The following GRIK3 variants were observed in gnomAD, a reference collection of about 807,000 sequenced individuals.
GRIK3 encodes glutamate receptor ionotropic, kainate 3.
Under a neutral mutation model 102.5 loss-of-function variants are expected in GRIK3, and 29 were observed. That is an observed-to-expected ratio of 0.28 (90% CI 0.21 to 0.39). The LOEUF is 0.39. Ranked by LOEUF, GRIK3 falls within the 10% of genes least tolerant of loss-of-function variation. The pLI, the probability that GRIK3 is intolerant of heterozygous loss-of-function variation, is 1.00. For missense variants in GRIK3, 908 were observed against 1,252.4 expected (o/e 0.73, Z 4.15); for synonymous variants, 511 against 504.9 (o/e 1.01, Z -0.16).
At chr1:37,017,279 A>G (rs1463127971) in intron 1 of GRIK3, among the ~76,000 whole-genome samples, 1 of 147,160 alleles carries the variant, frequency 6.8e-6, no homozygotes, top group Non-Finnish European at 1.5e-5. Flanking sequence ...CACACCTGTA[A>G]TTCCAGCACT....
intron 1 of GRIK3, among the ~76,000 whole-genome samples, chr1:37,010,843 G>T (rs1311473179): frequency 6.7e-6 from 1 of 148,264 alleles, no homozygotes; most frequent in African/African-American, 2.5e-5. Context: ...CCGGGTTCAC[G>T]CCATTCTCCT....
intron 1 of GRIK3, among the ~76,000 whole-genome samples, chr1:37,012,168 G>C (rs1170220942): frequency 1.3e-5 from 2 of 152,192 alleles, no homozygotes; most frequent in Non-Finnish European, 1.5e-5. Context: ...GAGTGCCAGG[G>C]GGCCATTGCC....
intron 13 of GRIK3, among the ~76,000 whole-genome samples, chr1:36,810,663 T>C (rs904177039): frequency 2.0e-5 from 3 of 152,248 alleles, no homozygotes; most frequent in African/African-American, 7.2e-5. Context: ...ATACAAGACC[T>C]TGGTTGTTTT....
At position 36,974,011 on chromosome 1, in the gene GRIK3, T is replaced by A. The variant is rs1218425313; in HGVS notation, c.115+59983A>T. On this transcript the variant is annotated intron_variant, in intron 1 of 15. Transcript: ENST00000373091. Reference sequence around the variant, plus strand: ...CCAGCTTCTCTGTCCTCCAGTGAGATGACTCTGTGGTGTGTTTTGCTCGGT... The same window carrying A: ...CCAGCTTCTCTGTCCTCCAGTGAGAAGACTCTGTGGTGTGTTTTGCTCGGT... Among the ~76,000 whole-genome samples the A allele has an allele frequency of 2.6e-5, 4 of 152,300 alleles. No individual in the cohort carries two copies. In the East Asian group the frequency reaches 7.7e-4, roughly 29 times the overall value.
intron 1 of GRIK3, among the ~76,000 whole-genome samples, chr1:36,968,220 CGTGTGTGTGTGT>C (rs66480824): frequency 0.095 from 13,450 of 141,106 alleles, 1,862 homozygotes; most frequent in African/African-American, 0.31. Flanking sequence ...TCTCTCTCTC[CGTGTGTGTGTGT>C]GTGTGTGTGT....
intron 1 of GRIK3, among the ~76,000 whole-genome samples, chr1:36,961,184 C>T (rs1312370866): frequency 6.6e-6 from 1 of 152,236 alleles, no homozygotes; most frequent in African/African-American, 2.4e-5. Context: ...CACGTGCCCA[C>T]CTGTGCACAC....
At chr1:36,988,660 GAAT>G (rs1268867677) in intron 1 of GRIK3, among the ~76,000 whole-genome samples, 2 of 152,342 alleles carry the variant, frequency 1.3e-5, no homozygotes, top group East Asian at 3.9e-4. Context: ...TTCACACATA[GAAT>G]AATGAGGCAA....
intron 1 of GRIK3, among the ~76,000 whole-genome samples, chr1:36,913,189 A>G (rs956743864): frequency 6.6e-6 from 1 of 152,174 alleles, no homozygotes; most frequent in Non-Finnish European, 1.5e-5. Context: ...CACCATCCCA[A>G]CTGGGCTCAT....
At chr1:36,966,899 C>T (rs1642085102) in intron 1 of GRIK3, among the ~76,000 whole-genome samples, 1 of 151,960 alleles carries the variant, frequency 6.6e-6, no homozygotes, top group African/African-American at 2.4e-5. Flanking sequence ...ATAATAAGAC[C>T]CACTATTTGC....
chr1:36,873,597 T>C (rs1001808831), intron 3 of GRIK3, among the ~76,000 whole-genome samples: 4 of 152,048 alleles, frequency 2.6e-5, no homozygotes, highest in African/African-American at 7.2e-5. Context: ...CAGGACTCAG[T>C]GTCTGGTCCT....
intron 1 of GRIK3, among the ~76,000 whole-genome samples, chr1:37,015,982 T>G (rs1642649319): frequency 6.6e-6 from 1 of 152,224 alleles, no homozygotes; most frequent in African/African-American, 2.4e-5. Context: ...CACAGCAGAT[T>G]TCCTGCCCAG....
intron 1 of GRIK3, among the ~76,000 whole-genome samples, chr1:36,963,733 T>G (rs1642050980): frequency 6.6e-6 from 1 of 152,122 alleles, no homozygotes; most frequent in Non-Finnish European, 1.5e-5. Context: ...CAGCTTCCTT[T>G]AGGAAACAAT....
chr1:37,000,785 A>C (rs1372667736), intron 1 of GRIK3, among the ~76,000 whole-genome samples: 2 of 152,190 alleles, frequency 1.3e-5, no homozygotes, highest in East Asian at 3.9e-4. Flanking sequence ...CAGAAAGGGC[A>C]TTCAGAGGGA....
chr1:36,991,773 A>T (rs1170904970), intron 1 of GRIK3, among the ~76,000 whole-genome samples: 1 of 152,220 alleles, frequency 6.6e-6, no homozygotes, highest in African/African-American at 2.4e-5. Context: ...CAGGGAACAA[A>T]GAGTGATTGT....
At chr1:36,982,645 G>GT in intron 1 of GRIK3, among the ~76,000 whole-genome samples, 1 of 152,196 alleles carries the variant, frequency 6.6e-6, no homozygotes, top group African/African-American at 2.4e-5. Context: ...CCTCAGCCAG[G>GT]CCAAGCCTTC....
At position 36,978,896 on chromosome 1, in the gene GRIK3, C is replaced by T. The variant is rs151231315; in HGVS notation, c.115+55098G>A. 7.1e-3 allele frequency among the ~76,000 whole-genome samples: 1,087 copies of T among 152,234 alleles called. 6 individuals carry two copies. The highest frequency in any genetic ancestry group is 0.017 in the Admixed American group (266 of 15,298). On this transcript the variant is annotated intron_variant, in intron 1 of 15. Coordinates refer to ENST00000373091, the MANE Select transcript of GRIK3 (RefSeq NM_000831.4). The stretch of plus-strand genomic sequence containing the variant: ...ATTTGAGGGGTAGGGAAACAAACTC[C>T]GCCTCTTGATAGCAGATGGTAGTCA...
At position 36,841,721 on chromosome 1, in the gene GRIK3, C is replaced by G; in HGVS notation, c.1530+15G>C. 1.2e-6 allele frequency: 2 copies of G among 1,607,168 alleles called. No individual in the cohort carries two copies. Among genetic ancestry groups the G allele is most frequent in the South Asian group, 2.2e-5 (2 of 90,962 alleles). ...CCAGGGTCCTGAGCCCTCCCATGCTCCCATCCATGCTTACGTGGTCGATGA... is the reference window on the plus strand; with the variant it reads ...CCAGGGTCCTGAGCCCTCCCATGCTGCCATCCATGCTTACGTGGTCGATGA... On this transcript the variant is annotated intron_variant, in intron 10 of 15. Coordinates refer to ENST00000373091, the MANE Select transcript of GRIK3 (RefSeq NM_000831.4).
chr1:36,834,700 A>G (rs1451998767), intron 10 of GRIK3, among the ~76,000 whole-genome samples: 1 of 152,182 alleles, frequency 6.6e-6, no homozygotes, highest in East Asian at 1.9e-4. Flanking sequence ...GCGCACTCCA[A>G]AGGATGCATC....
chr1:36,977,372 C>T (rs115562719), intron 1 of GRIK3, among the ~76,000 whole-genome samples: 10 of 152,096 alleles, frequency 6.6e-5, no homozygotes, highest in Non-Finnish European at 1.0e-4. Context: ...ATAAAAGAAA[C>T]CCAGAGCTGG....
Sources: gnomAD v4.1 joint callset for allele counts (sites outside exome capture counted in the v4.1 genomes callset) on GRCh38, gnomAD v4.1.1 for gene constraint, MANE v1.5 for transcripts, NCBI Gene and HGNC (gene_info 2026-07-23, HGNC 2026-07-21) for gene names.